The following LYPD6 variants were observed in gnomAD, a reference collection of about 807,000 sequenced individuals.
LYPD6 encodes ly6/PLAUR domain-containing protein 6.
LYPD6 carries 15 observed loss-of-function variants against 22.7 expected under a neutral mutation model. That is an observed-to-expected ratio of 0.66 (90% CI 0.44 to 1.02). LYPD6 has a LOEUF of 1.02. LYPD6 is among the 50% of genes least tolerant of loss of function. LYPD6 has a pLI of 0.00. For missense variants in LYPD6, 189 were observed against 208.4 expected, an observed-to-expected ratio of 0.91 and a Z score of 0.57; for synonymous variants, 72 against 77.5, an observed-to-expected ratio of 0.93 and a Z score of 0.37.
chr2:149,347,086 A>G (rs1436572842), intron 1 of LYPD6, among the ~76,000 whole-genome samples: 1 of 151,980 alleles, frequency 6.6e-6, no homozygotes, highest in East Asian at 1.9e-4. Context: ...TGACTTGCAG[A>G]TGGTGGCCTT....
intron 1 of LYPD6, among the ~76,000 whole-genome samples, chr2:149,359,656 A>T (rs1035908626): frequency 1.3e-5 from 2 of 152,202 alleles, no homozygotes; most frequent in African/African-American, 4.8e-5. Flanking sequence ...TAATTCCTTC[A>T]TGTCTCTCAG....
chr2:149,381,021 G>A (rs1434438148), intron 1 of LYPD6, among the ~76,000 whole-genome samples: 1 of 152,176 alleles, frequency 6.6e-6, no homozygotes, highest in African/African-American at 2.4e-5. Context: ...ACTGAGAACT[G>A]AGCAGTATAT....
intron 1 of LYPD6, among the ~76,000 whole-genome samples, chr2:149,408,695 G>T (rs1014517274): frequency 6.6e-6 from 1 of 152,178 alleles, no homozygotes; most frequent in African/African-American, 2.4e-5. Flanking sequence ...GTTTGATACT[G>T]TTGTGAAGAC....
At chr2:149,447,743 T>C (rs924885058) in intron 2 of LYPD6, among the ~76,000 whole-genome samples, 1 of 152,264 alleles carries the variant, frequency 6.6e-6, no homozygotes, top group African/African-American at 2.4e-5. Context: ...TTGACATTTG[T>C]GTATAAGTTG....
intron 1 of LYPD6, among the ~76,000 whole-genome samples, chr2:149,391,140 T>C (rs1216581208): frequency 6.6e-6 from 1 of 152,220 alleles, no homozygotes; most frequent in East Asian, 1.9e-4. Flanking sequence ...ACTAGCATTC[T>C]CTTGAATGTA....
intron 1 of LYPD6, among the ~76,000 whole-genome samples, chr2:149,372,906 C>A (rs1007996756): frequency 1.3e-5 from 2 of 152,114 alleles, no homozygotes; most frequent in East Asian, 3.9e-4. Flanking sequence ...GGGGTTGATC[C>A]CATCATTCCC....
downstream of LYPD6, among the ~76,000 whole-genome samples, chr2:149,478,404 GCA>G (rs1029991725): frequency 4.7e-4 from 57 of 122,544 alleles, no homozygotes; most frequent in African/African-American, 1.5e-3. Flanking sequence ...GTGTGTGCGC[GCA>G]CGCATGTGTG....
rs1484915433 is a variant in LYPD6, at chr2:149,471,210, T to C, written c.*360T>C. 2 of 171,244 alleles carry C rather than the reference T, an allele frequency of 1.2e-5. No homozygotes were observed. The highest frequency in any genetic ancestry group is 2.4e-5 in the African/African-American group (1 of 42,324). The allele number at this position is 171,244 out of a possible 1,614,324, so 10.6% of individuals were successfully genotyped here. A position where few individuals can be genotyped will look rare whatever the true frequency, so the allele number is the denominator to read the frequency against. On this transcript the variant is annotated 3_prime_UTR_variant, in exon 5 of 5. Coordinates refer to ENST00000334166, the MANE Select transcript of LYPD6 (RefSeq NM_194317.5). The stretch of plus-strand genomic sequence containing the variant: ...ACTGTAAGATATTAGGAGTATGTTA[T>C]AGGGGCATGTATAGATGTGGGCTTT...
intron 1 of LYPD6, among the ~76,000 whole-genome samples, chr2:149,362,713 G>C (rs895385786): frequency 6.6e-6 from 1 of 152,002 alleles, no homozygotes; most frequent in South Asian, 2.1e-4. Flanking sequence ...GAGAGGGTGA[G>C]AAGTGAAGGG....
chr2:149,360,911 T>G (rs1195417540), intron 1 of LYPD6, among the ~76,000 whole-genome samples: 4 of 152,182 alleles, frequency 2.6e-5, no homozygotes, highest in Non-Finnish European at 5.9e-5. Context: ...CAATGTACTT[T>G]CCTGGGACAC....
In LYPD6 at chr2:149,471,121, A is replaced by G. The variant is rs1337227875; in HGVS notation, c.*271A>G. The G allele has an allele frequency of 9.9e-6, 3 of 304,140 alleles. No homozygotes were observed. The highest frequency in any genetic ancestry group is 5.3e-5 in the East Asian group (1 of 18,786). 18.8% of individuals were successfully genotyped at this position (304,140 alleles called of 1,614,324 possible). A position where few individuals can be genotyped will look rare whatever the true frequency, so the allele number is the denominator to read the frequency against. Reference sequence around the variant, plus strand: ...TTTTCATTCCAAGAAGTAGTTCTGCATTTATCGAGATCTGGGGTTCTTAAT... The same window carrying G: ...TTTTCATTCCAAGAAGTAGTTCTGCGTTTATCGAGATCTGGGGTTCTTAAT... On this transcript the variant is annotated 3_prime_UTR_variant, in exon 5 of 5. Coordinates refer to ENST00000334166, the MANE Select transcript of LYPD6 (RefSeq NM_194317.5).
At chr2:149,397,433 A>G (rs533331741) in intron 1 of LYPD6, among the ~76,000 whole-genome samples, 1 of 152,308 alleles carries the variant, frequency 6.6e-6, no homozygotes, top group Admixed American at 6.5e-5. Flanking sequence ...GGTCTTCATA[A>G]TGTCTTGGCC....
intron 2 of LYPD6, among the ~76,000 whole-genome samples, chr2:149,440,693 CTTTTTTTTTTTT>C (rs764789006): frequency 5.5e-5 from 5 of 91,070 alleles, no homozygotes; most frequent in African/African-American, 1.6e-4. Context: ...TTCTGTCCAC[CTTTTTTTTTTTT>C]TTTTTTTTTT....
chr2:149,350,357 C>G (rs905694433), intron 1 of LYPD6, among the ~76,000 whole-genome samples: 7 of 152,288 alleles, frequency 4.6e-5, no homozygotes, highest in Non-Finnish European at 5.9e-5. Flanking sequence ...TTAAAGAATG[C>G]CTTTAAAATA....
chr2:149,462,784 G>A (rs1681114928), intron 3 of LYPD6, among the ~76,000 whole-genome samples: 2 of 151,954 alleles, frequency 1.3e-5, no homozygotes, highest in South Asian at 2.1e-4. Flanking sequence ...AGGTGTAAAA[G>A]CAATTCAGTG....
At chr2:149,407,961 T>C (rs1307714092) in intron 1 of LYPD6, among the ~76,000 whole-genome samples, 8 of 152,216 alleles carry the variant, frequency 5.3e-5, no homozygotes, top group Non-Finnish European at 1.2e-4. Flanking sequence ...AGACAGGACC[T>C]TCAGCTGCAG....
chr2:149,388,044 C>T (rs946286199), intron 1 of LYPD6, among the ~76,000 whole-genome samples: 14 of 152,096 alleles, frequency 9.2e-5, no homozygotes, highest in African/African-American at 3.1e-4. Flanking sequence ...TCTAAATGAC[C>T]GAGCCTTACT....
At chr2:149,477,246 T>G (rs1033147106), downstream of LYPD6, among the ~76,000 whole-genome samples, 3 of 152,192 alleles carry the variant, frequency 2.0e-5, no homozygotes, top group Admixed American at 1.3e-4. Context: ...TTCTCCTTGA[T>G]GCAAGACAGC....
intron 1 of LYPD6, among the ~76,000 whole-genome samples, chr2:149,409,028 A>C (rs1682791970): frequency 6.6e-6 from 1 of 152,038 alleles, no homozygotes; most frequent in Non-Finnish European, 1.5e-5. Context: ...TTCTCATTTG[A>C]GTAGATGATG....
Sources: gnomAD v4.1 joint callset for allele counts (sites outside exome capture counted in the v4.1 genomes callset) on GRCh38, gnomAD v4.1.1 for gene constraint, MANE v1.5 for transcripts, NCBI Gene and HGNC (gene_info 2026-07-23, HGNC 2026-07-21) for gene names.